Variants in THNSL1 observed in about 807,000 individuals in gnomAD.
THNSL1 encodes threonine synthase like 1.
In THNSL1, 48 loss-of-function variants were observed where a neutral mutation model predicts 50.4. The ratio of observed to expected loss-of-function variants is 0.95; its 90% CI spans 0.76 to 1.21. The LOEUF (loss-of-function observed/expected upper bound fraction) is 1.21. THNSL1 is among the 50% of genes most tolerant of loss of function. The pLI, the probability that THNSL1 is intolerant of heterozygous loss-of-function variation, is 0.00. For missense variants in THNSL1, 896 were observed against 871.7 expected (o/e 1.03, Z -0.35); for synonymous variants, 309 against 306.1 (o/e 1.01, Z -0.10).
chr10:24,997,819 A>ATATATATATATATATG, the THNSL1 span, among the ~76,000 whole-genome samples: 1 of 151,500 alleles, frequency 6.6e-6, no homozygotes, highest in African/African-American at 2.4e-5. Context: ...ATATATATAT[A>ATATATATATATATATG]TATATATGTT....
chr10:24,959,364 G>T, the THNSL1 span, among the ~76,000 whole-genome samples: 13 of 152,338 alleles, frequency 8.5e-5, no homozygotes, highest in East Asian at 2.3e-3. Flanking sequence ...GTTATGGGTT[G>T]CATCTTAGAG....
At chr10:24,991,282 CT>C in the THNSL1 span, among the ~76,000 whole-genome samples, 3 of 151,940 alleles carry the variant, frequency 2.0e-5, no homozygotes, top group Admixed American at 6.6e-5. Flanking sequence ...TACCTTCTAC[CT>C]TCTACATGCT....
chr10:24,960,822 T>C, the THNSL1 span, among the ~76,000 whole-genome samples: 3 of 152,208 alleles, frequency 2.0e-5, no homozygotes, highest in Admixed American at 6.5e-5. Context: ...ACTCCTGGGC[T>C]CAAGCCATCC....
chr10:25,015,398 A>G (rs1428819932), upstream of THNSL1, among the ~76,000 whole-genome samples: 2 of 152,354 alleles, frequency 1.3e-5, no homozygotes, highest in East Asian at 1.9e-4. Flanking sequence ...ATGTAAATTT[A>G]TATTTCATAA....
the THNSL1 span, among the ~76,000 whole-genome samples, chr10:24,965,851 C>T: frequency 1.3e-5 from 2 of 152,148 alleles, no homozygotes; most frequent in African/African-American, 4.8e-5. Flanking sequence ...ACATCAAATA[C>T]AAAATAATGA....
chr10:24,965,757 C>G, the THNSL1 span, among the ~76,000 whole-genome samples: 3 of 152,334 alleles, frequency 2.0e-5, no homozygotes, highest in Non-Finnish European at 4.4e-5. Flanking sequence ...GGTTGAATCT[C>G]TTTCCTTGTT....
chr10:24,981,796 T>C, the THNSL1 span, among the ~76,000 whole-genome samples: 1 of 152,192 alleles, frequency 6.6e-6, no homozygotes, highest in Non-Finnish European at 1.5e-5. Context: ...TGAGCTGGAA[T>C]GCAAACCAGA....
the THNSL1 span, among the ~76,000 whole-genome samples, chr10:24,974,937 T>C: frequency 2.2e-4 from 34 of 152,382 alleles, no homozygotes; most frequent in East Asian, 6.5e-3. Context: ...TCCATCCCAC[T>C]GTTTATACCA....
chr10:25,023,312 A>G lies in THNSL1; in HGVS notation c.89A>G (p.Gln30Arg), dbSNP rs138920040. Residue 30 changes from glutamine to arginine, a missense_variant, in exon 3 of 3, where the codon CAG becomes CGG. Transcript: ENST00000376356. The part of the protein sequence containing the change: ...SIHVKTDKHA[Q>R]RFLSRTFALA... ...CATGTTAAAACGGATAAACATGCACAGCGATTTCTTTCAAGAACCTTTGCA... is the reference window on the plus strand; with the variant it reads ...CATGTTAAAACGGATAAACATGCACGGCGATTTCTTTCAAGAACCTTTGCA... The G allele has an allele frequency of 5.0e-6, 8 of 1,614,182 alleles. No homozygotes were observed. In the African/African-American group the frequency reaches 1.1e-4, roughly 22 times the overall value.
chr10:24,967,855 G>A, the THNSL1 span, among the ~76,000 whole-genome samples: 380 of 151,418 alleles, frequency 2.5e-3, 5 homozygotes, highest in African/African-American at 7.6e-3. Context: ...TGATGTGTGC[G>A]TATGATGTAT....
chr10:24,952,529 A>T, the THNSL1 span: 2 of 1,586,544 alleles, frequency 1.3e-6, no homozygotes, highest in Non-Finnish European at 8.6e-7. This position sits in a 1 kb window ranked among gnomAD's most constrained non-coding sequence, Gnocchi z 5.1. Flanking sequence ...TGCATTTACC[A>T]CGACGCCTCG....
the THNSL1 span, among the ~76,000 whole-genome samples, chr10:25,000,701 A>G: frequency 6.6e-6 from 1 of 152,116 alleles, no homozygotes; most frequent in Non-Finnish European, 1.5e-5. Flanking sequence ...GAGTTTTCCT[A>G]TAGACTGCAT....
chr10:24,989,274 C>A, the THNSL1 span, among the ~76,000 whole-genome samples: 2 of 152,200 alleles, frequency 1.3e-5, no homozygotes, highest in Non-Finnish European at 2.9e-5. Flanking sequence ...TTCCTTCCTG[C>A]CTGTCTGCCT....
the THNSL1 span, chr10:24,984,288 G>T: frequency 6.9e-7 from 1 of 1,458,188 alleles, no homozygotes; most frequent in Non-Finnish European, 9.4e-7. Context: ...ATGTGTTGGA[G>T]ACAGTTTAGA....
chr10:24,993,663 A>G, the THNSL1 span, among the ~76,000 whole-genome samples: 1 of 152,244 alleles, frequency 6.6e-6, no homozygotes, highest in Non-Finnish European at 1.5e-5. Flanking sequence ...GGAAAAGTAA[A>G]TTGAGTAAGT....
the THNSL1 span, among the ~76,000 whole-genome samples, chr10:24,963,197 C>A: frequency 6.6e-6 from 1 of 152,070 alleles, no homozygotes. Flanking sequence ...GGTATTTTGC[C>A]AAAGCTTAAG....
chr10:24,978,009 C>T, the THNSL1 span, among the ~76,000 whole-genome samples: 1 of 152,150 alleles, frequency 6.6e-6, no homozygotes, highest in Non-Finnish European at 1.5e-5. Context: ...TACTACCCAT[C>T]TATTCTTGTT....
At chr10:25,008,069 A>G in the THNSL1 span, among the ~76,000 whole-genome samples, 3 of 150,950 alleles carry the variant, frequency 2.0e-5, no homozygotes, top group African/African-American at 7.3e-5. Context: ...TAAGAGATGA[A>G]GAGAAGTAGT....
chr10:24,995,380 T>C, the THNSL1 span, among the ~76,000 whole-genome samples: 1 of 152,226 alleles, frequency 6.6e-6, no homozygotes, highest in Non-Finnish European at 1.5e-5. Context: ...AGAATGTTTA[T>C]TAAAATTGTT....
Sources: gnomAD v4.1 joint callset for allele counts (sites outside exome capture counted in the v4.1 genomes callset) on GRCh38, gnomAD v4.1.1 for gene constraint, Gnocchi (gnomAD v3.1) non-coding constraint, MANE v1.5 for transcripts, NCBI Gene and HGNC (gene_info 2026-07-23, HGNC 2026-07-21) for gene names.